The following TBC1D8B variants were observed in gnomAD, a reference collection of about 807,000 sequenced individuals.
TBC1D8B encodes TBC1 domain family member 8B.
Under a neutral mutation model 82.9 loss-of-function variants are expected in TBC1D8B, and 75 were observed. The ratio of observed to expected loss-of-function variants is 0.90; its 90% confidence interval spans 0.75 to 1.10. TBC1D8B has a LOEUF of 1.10. TBC1D8B is among the 50% of genes least tolerant of loss of function. The pLI, the probability that TBC1D8B is intolerant of heterozygous loss-of-function variation, is 0.00. For synonymous variants in TBC1D8B, 276 were observed against 276.8 expected (o/e 1.00, Z 0.03); for missense variants, 794 against 796.9 (o/e 1.00, Z 0.04).
At chrX:106,863,422 G>T (rs1392583479) in intron 14 of TBC1D8B, among the ~76,000 whole-genome samples, 4 of 111,155 alleles carry the variant, frequency 3.6e-5, no homozygotes, top group Non-Finnish European at 7.6e-5. Flanking sequence ...CTGGTCCACA[G>T]GGCTCCCTCA....
chrX:106,829,142 A>C (rs1394169741), intron 7 of TBC1D8B: 28 of 106,241 alleles, frequency 2.6e-4, no homozygotes, highest in African/African-American at 1.0e-3. Context: ...ATTCTTATAC[A>C]CCAATAACAG....
At chrX:106,854,730 G>A (rs1932664580) in intron 14 of TBC1D8B, among the ~76,000 whole-genome samples, 1 of 110,473 alleles carries the variant, frequency 9.1e-6, no homozygotes, top group Middle Eastern at 4.2e-3. Context: ...TTCCCAGGCT[G>A]TCTCAAACCC....
At position 106,822,050 on chromosome X, in the gene TBC1D8B, T is replaced by G. The variant is rs150832311; in HGVS notation, c.434T>G (p.Leu145Trp). The change falls in exon 4 of 21, where the codon TTG becomes TGG. Residue 145 changes from leucine (L) to tryptophan (W), a missense_variant. Transcript: ENST00000357242. ...CCTGAGAAATTTCGAGAAGCCCTTT[T>G]GAAATTTGAAAAATGTTTTGGTTTA... is the stretch of plus-strand genomic sequence containing the variant. Reference protein sequence around the residue: ...DDPEKFREALLKFEKCFGLPE... With the variant: ...DDPEKFREALWKFEKCFGLPE... 7 of 1,209,093 alleles carry G rather than the reference T, an allele frequency of 5.8e-6. No individual in the cohort carries two copies. The African/African-American group carries it at 1.2e-4, about 21-fold the overall frequency.
chrX:106,845,815 G>C (rs1452668586), intron 10 of TBC1D8B, among the ~76,000 whole-genome samples: 2 of 110,766 alleles, frequency 1.8e-5, no homozygotes. Context: ...CCACTGCCTT[G>C]GATAGCCACA....
rs1932827177 is a variant in TBC1D8B at position 106,868,392 on chromosome X, G to A, written c.2729-1G>A. ...AATTTGGGTTATTTATATGTTTTCA[G>A]CTTACACTGAAGTGAAATCTAAGGA... On this transcript the variant is annotated splice_acceptor_variant, in intron 17 of 20. Transcript: ENST00000357242. LOFTEE classifies it high-confidence loss of function. 2 of 994,714 alleles carry A rather than the reference G, an allele frequency of 2.0e-6. No homozygotes were observed. Among genetic ancestry groups the A allele is most frequent in the African/African-American group, 2.0e-5 (1 of 50,205 alleles). The allele number at this position is 994,714 out of a possible 1,213,427, so 82.0% of individuals were successfully genotyped here.
intron 1 of TBC1D8B, chrX:106,814,652 A>C (rs1402528029): frequency 9.1e-6 from 1 of 109,323 alleles, no homozygotes; most frequent in African/African-American, 3.3e-5. Flanking sequence ...ACTAGTTTAC[A>C]GTCCCACCAA....
intron 14 of TBC1D8B, among the ~76,000 whole-genome samples, chrX:106,864,385 G>C: frequency 9.1e-6 from 1 of 110,284 alleles, no homozygotes; most frequent in Non-Finnish European, 1.9e-5. Flanking sequence ...ATGGTTCCCA[G>C]TGTGGTTTCT....
At chrX:106,869,392 T>C in intron 18 of TBC1D8B, 93 bp from the exon 19 acceptor site, 3 of 718,814 alleles carry the variant, frequency 4.2e-6, no homozygotes, top group Non-Finnish European at 4.1e-6. Flanking sequence ...TTGAATAAAA[T>C]AATGTGCTTA....
intron 10 of TBC1D8B, among the ~76,000 whole-genome samples, chrX:106,844,360 T>C (rs1263161730): frequency 9.2e-6 from 1 of 109,099 alleles, no homozygotes; most frequent in Admixed American, 9.9e-5. Flanking sequence ...ATCATCTTTA[T>C]CAGGTTGCGG....
chrX:106,866,004 T>C lies in TBC1D8B; in HGVS notation c.2633T>C (p.Ile878Thr), dbSNP rs749522517. The C allele has an allele frequency of 5.0e-6, 6 of 1,204,224 alleles. No individual in the cohort carries two copies. In the East Asian group the frequency reaches 8.9e-5, roughly 18 times the overall value. ...TTAGATGAAAACTCTGATTGCCTTA[T>C]AAACTTCAAAGAATTCTCCTCTGCA... is the stretch of plus-strand genomic sequence containing the variant. The part of the protein sequence containing the change: ...RLLDENSDCL[I>T]NFKEFSSAID... The change falls in exon 16 of 21, where the codon ATA (isoleucine) becomes ACA (threonine). Residue 878 changes from isoleucine to threonine, a missense_variant. Physicochemically the swap from Ile to Thr is moderately conservative, Grantham distance 89 (BLOSUM62 -1). Coordinates refer to ENST00000357242, the MANE Select transcript of TBC1D8B (RefSeq NM_017752.3).
At chrX:106,809,522 G>A (rs143024884) in intron 1 of TBC1D8B, among the ~76,000 whole-genome samples, 1 of 110,763 alleles carries the variant, frequency 9.0e-6, no homozygotes, top group African/African-American at 3.3e-5. Flanking sequence ...TTCTGTGAAG[G>A]GAAAGAGAGA....
chrX:106,839,397 C>T lies in TBC1D8B; in HGVS notation c.1293C>T (p.Asn431=). The change falls in exon 8 of 21, where the codon AAC becomes AAT. Residue 431 remains asparagine, a synonymous_variant. Coordinates refer to ENST00000357242, the MANE Select transcript of TBC1D8B (RefSeq NM_017752.3). ...AGAGGGAATGCAGTAAAACTGTGAA[C>T]ACTGAAGCCTTAATGACAGTATTTC... ...TSQRECSKTV[N]TEALMTVFHP... 8.4e-7 allele frequency: 1 copy of T among 1,190,570 alleles called. No homozygotes were observed.
intron 14 of TBC1D8B, among the ~76,000 whole-genome samples, chrX:106,859,257 T>C (rs185514908): frequency 5.6e-4 from 63 of 112,200 alleles, no homozygotes; most frequent in African/African-American, 2.0e-3. Flanking sequence ...ATGTCATTGG[T>C]AGTTTGATAG....
At chrX:106,829,069 T>C (rs1412765441) in intron 7 of TBC1D8B, 2 of 106,638 alleles carry the variant, frequency 1.9e-5, no homozygotes, top group African/African-American at 3.7e-5. Context: ...AAAATCTCCT[T>C]AAGCTGATAA....
intron 1 of TBC1D8B, among the ~76,000 whole-genome samples, chrX:106,816,716 C>T (rs972604475): frequency 4.5e-5 from 5 of 111,298 alleles, no homozygotes; most frequent in African/African-American, 1.6e-4. Flanking sequence ...GAACTTTGCC[C>T]TATCAAAATC....
chrX:106,818,357 C>T (rs1290652598), intron 1 of TBC1D8B: 1 of 159,920 alleles, frequency 6.3e-6, no homozygotes, highest in Admixed American at 8.2e-5. Flanking sequence ...ATTCTACATT[C>T]TTATCTAATA....
intron 1 of TBC1D8B, among the ~76,000 whole-genome samples, chrX:106,810,523 C>A (rs961390144): frequency 3.6e-5 from 4 of 111,739 alleles, no homozygotes; most frequent in Non-Finnish European, 7.5e-5. Context: ...ATAATTAAAC[C>A]TTTGTTTTTT....
In TBC1D8B at chrX:106,874,101, A is replaced by G. The variant is rs1168748595; in HGVS notation, c.*136A>G. 3.7e-6 allele frequency: 2 copies of G among 546,211 alleles called. No homozygotes were observed. The highest frequency in any genetic ancestry group is 2.7e-6 in the Non-Finnish European group (1 of 368,592). 45.0% of individuals were successfully genotyped at this position (546,211 alleles called of 1,213,427 possible). A position where few individuals can be genotyped will look rare whatever the true frequency, so the allele number is the denominator to read the frequency against. ...GCCAAAATATATATCCAGAAGCACAATGCATCATTCCTTTGTTGTTGATAA... is the reference window on the plus strand; with the variant it reads ...GCCAAAATATATATCCAGAAGCACAGTGCATCATTCCTTTGTTGTTGATAA... On this transcript the variant is annotated 3_prime_UTR_variant, in exon 21 of 21. Coordinates refer to ENST00000357242, the MANE Select transcript of TBC1D8B (RefSeq NM_017752.3).
chrX:106,850,206 T>C lies in TBC1D8B; in HGVS notation c.2019T>C (p.Asp673=). The C allele has an allele frequency of 5.8e-6, 7 of 1,211,656 alleles. No homozygotes were observed. The highest frequency in any genetic ancestry group is 7.8e-6 in the Non-Finnish European group (7 of 895,447). The change falls in exon 12 of 21, where the codon GAT becomes GAC. Residue 673 remains aspartate (D), a synonymous_variant. Transcript: ENST00000357242. ...ATGTGGTGGACTGTTTCTTCTATGA[T>C]GGAATAAAGGCCATTTTGCAACTGG... The part of the protein sequence containing the change: ...AVNVVDCFFY[D]GIKAILQLGL...
Sources: gnomAD v4.1 joint callset for allele counts (sites outside exome capture counted in the v4.1 genomes callset) on GRCh38, gnomAD v4.1.1 for gene constraint, MANE v1.5 for transcripts, NCBI Gene and HGNC (gene_info 2026-07-23, HGNC 2026-07-21) for gene names.